The following ZNF135 variants were observed in gnomAD, a reference collection of about 807,000 sequenced individuals.
The protein encoded by ZNF135 is zinc finger protein 135 (clone pHZ-17).
In ZNF135, 11 loss-of-function variants were observed where a neutral mutation model predicts 12.3. That is an observed-to-expected ratio of 0.89 (90% CI 0.56 to 1.48). The LOEUF (loss-of-function observed/expected upper bound fraction) is 1.48. ZNF135 is among the 40% of genes most tolerant of loss of function. ZNF135 has a pLI of 0.00. For synonymous variants in ZNF135, 316 were observed against 312.0 expected (o/e 1.01, Z -0.14); for missense variants, 722 against 815.7 (o/e 0.89, Z 1.40).
rs1433470582 is a variant in ZNF135, at chr19:58,059,861, C to G, written c.-34-108C>G. 3 of 1,369,364 alleles carry G rather than the reference C, an allele frequency of 2.2e-6. No homozygotes were observed. The highest frequency in any genetic ancestry group is 2.0e-6 in the Non-Finnish European group (2 of 1,004,408). 84.8% of individuals were successfully genotyped at this position (1,369,364 alleles called of 1,614,324 possible). A position where few individuals can be genotyped will look rare whatever the true frequency, so the allele number is the denominator to read the frequency against. On this transcript the variant is annotated intron_variant, in intron 1 of 4. Transcript: ENST00000313434. This position sits in a 1 kb window ranked among gnomAD's most constrained non-coding sequence, Gnocchi z 6.5. ...AGGCGCTTAAACGGGTACGCGGGGC[C>G]CTGGACGGCTCTCCGCGGAGCTCCC...
At chr19:58,066,343 T>C (rs953810371) in intron 4 of ZNF135, among the ~76,000 whole-genome samples, 2 of 152,166 alleles carry the variant, frequency 1.3e-5, no homozygotes, top group Non-Finnish European at 2.9e-5. Context: ...GAGGCCACTG[T>C]AGCTGGAGCC....
Position 58,060,853 on chromosome 19 carries a change from G to A in ZNF135, c.34-727G>A, listed in dbSNP as rs1043273684. On this transcript the variant is annotated intron_variant, in intron 2 of 4. Coordinates refer to ENST00000313434, the MANE Select transcript of ZNF135 (RefSeq NM_001289401.2). The surrounding 1 kb of genome is among the most constrained non-coding windows in gnomAD (Gnocchi z 4.9). ...AAAACAAACCCAGATTTGGCCGGGC[G>A]CGGTGGCTCGCACCTGTAATCCCAG... Among the ~76,000 whole-genome samples the A allele has an allele frequency of 3.3e-5, 5 of 152,224 alleles. No individual in the cohort carries two copies. Among genetic ancestry groups the A allele is most frequent in the Middle Eastern group, 3.4e-3 (1 of 294 alleles).
chr19:58,060,162 C>T lies in ZNF135; in HGVS notation c.33+127C>T, dbSNP rs533397525. 12 of 1,552,414 alleles carry T rather than the reference C, an allele frequency of 7.7e-6. No individual in the cohort carries two copies. In the Admixed American group the frequency reaches 1.5e-4, roughly 19 times the overall value. On this transcript the variant is annotated intron_variant, in intron 2 of 4. Transcript: ENST00000313434. The surrounding 1 kb of genome is among the most constrained non-coding windows in gnomAD (Gnocchi z 4.9). ...TCGCGCTCAGCCTCCTCCTTGTGCC[C>T]GGCCCCTACTTGCGTGCCCGGCCCC... is the stretch of plus-strand genomic sequence containing the variant.
chr19:58,067,144 A>G lies in ZNF135; in HGVS notation c.660A>G (p.Gly220=), dbSNP rs377403678. 147 of 1,614,088 alleles carry G rather than the reference A, an allele frequency of 9.1e-5. No homozygotes were observed. The highest frequency in any genetic ancestry group is 1.2e-4 in the Non-Finnish European group (145 of 1,180,034). ...KEKPYKCQEC[G]KAFSHSSALI... ...AACCCTACAAATGTCAGGAATGCGG[A>G]AAGGCCTTTAGTCACAGCTCAGCAC... The change falls in exon 5 of 5, where the codon GGA becomes GGG. Residue 220 remains glycine, a synonymous_variant. Transcript: ENST00000313434.
In ZNF135 at chr19:58,059,970, G is replaced by C; in HGVS notation, c.-33G>C. ...CTGCTCACCTCCCCTTTCCCACAGA[G>C]CAGGGCCAGCCGTTCCTGCCAGAAG... On this transcript the variant is annotated splice_region_variant and 5_prime_UTR_variant, in exon 2 of 5. Transcript: ENST00000313434. The surrounding 1 kb of genome is among the most constrained non-coding windows in gnomAD (Gnocchi z 6.5). 6.2e-7 allele frequency: 1 copy of C among 1,612,884 alleles called. No homozygotes were observed. The highest frequency in any genetic ancestry group is 1.1e-5 in the South Asian group (1 of 91,074).
Position 58,068,758 on chromosome 19 carries a change from A to C in ZNF135, c.*297A>C. 1 of 287,248 alleles carries C rather than the reference A, an allele frequency of 3.5e-6. No homozygotes were observed. The highest frequency in any genetic ancestry group is 8.7e-5 in the South Asian group (1 of 11,482). The allele number at this position is 287,248 out of a possible 1,614,324, so 17.8% of individuals were successfully genotyped here. On this transcript the variant is annotated 3_prime_UTR_variant, in exon 5 of 5. Coordinates refer to ENST00000313434, the MANE Select transcript of ZNF135 (RefSeq NM_001289401.2). ...TATGTTATAGAACCTACAAAAAAGA[A>C]ATGGAACAAATGTAGTGGATCCAGG...
In ZNF135 at chr19:58,067,921, A is replaced by G. The variant is rs1386196797; in HGVS notation, c.1437A>G (p.Thr479=). 1.2e-6 allele frequency: 2 copies of G among 1,608,430 alleles called. No homozygotes were observed. Among genetic ancestry groups the G allele is most frequent in the African/African-American group, 1.4e-5 (1 of 72,932 alleles). ...SQCGKAFRQS[T]HLTQHQRIHT... ...GTGGGAAGGCCTTCCGGCAGAGCACACACCTCACCCAACACCAGCGAATCC... is the reference window on the plus strand; with the variant it reads ...GTGGGAAGGCCTTCCGGCAGAGCACGCACCTCACCCAACACCAGCGAATCC... Residue 479 remains threonine (T), a synonymous_variant, in exon 5 of 5, where the codon ACA becomes ACG. Coordinates refer to ENST00000313434, the MANE Select transcript of ZNF135 (RefSeq NM_001289401.2).
At position 58,067,264 on chromosome 19, in the gene ZNF135, C is replaced by A; in HGVS notation, c.780C>A (p.His260Gln). The A allele has an allele frequency of 6.2e-7, 1 of 1,614,178 alleles. No individual in the cohort carries two copies. ...GGAACAGCTCGGCACTTACCAAACACCAGAGAATCCATACTGGGGAGAAAC... is the reference window on the plus strand; with the variant it reads ...GGAACAGCTCGGCACTTACCAAACAACAGAGAATCCATACTGGGGAGAAAC... ...GFRNSSALTK[H>Q]QRIHTGEKPY... Residue 260 changes from histidine (H) to glutamine (Q), a missense_variant, in exon 5 of 5, where the codon CAC becomes CAA. Coordinates refer to ENST00000313434, the MANE Select transcript of ZNF135 (RefSeq NM_001289401.2).
In ZNF135 at chr19:58,068,700, T is replaced by G; in HGVS notation, c.*239T>G. On this transcript the variant is annotated 3_prime_UTR_variant, in exon 5 of 5. Coordinates refer to ENST00000313434, the MANE Select transcript of ZNF135 (RefSeq NM_001289401.2). ...AGGGAAACGTGGAGATAATCAACAC[T>G]CAGGACCTTCAGCCTTGAACGCCCA... 1 of 510,448 alleles carries G rather than the reference T, an allele frequency of 2.0e-6. No individual in the cohort carries two copies. Among genetic ancestry groups the G allele is most frequent in the Non-Finnish European group, 3.5e-6 (1 of 288,750 alleles). 31.6% of individuals were successfully genotyped at this position (510,448 alleles called of 1,614,324 possible).
rs1375598535 is a variant in ZNF135, at chr19:58,069,336, T to C, written c.*875T>C. ...AACTCGCGTTAGAAACACAGATATTTGTTTTACAAAAAGGGAGATTTTTCC... is the reference window on the plus strand; with the variant it reads ...AACTCGCGTTAGAAACACAGATATTCGTTTTACAAAAAGGGAGATTTTTCC... On this transcript the variant is annotated 3_prime_UTR_variant, in exon 5 of 5. Transcript: ENST00000313434. 1 of 152,210 alleles carries C rather than the reference T, an allele frequency of 6.6e-6. No homozygotes were observed. Among genetic ancestry groups the C allele is most frequent in the Non-Finnish European group, 1.5e-5 (1 of 68,040 alleles). The allele number at this position is 152,210 out of a possible 1,614,324, so 9.4% of individuals were successfully genotyped here. A position where few individuals can be genotyped will look rare whatever the true frequency, so the allele number is the denominator to read the frequency against.
chr19:58,068,714 C>T lies in ZNF135; in HGVS notation c.*253C>T. 1 of 479,446 alleles carries T rather than the reference C, an allele frequency of 2.1e-6. No homozygotes were observed. The highest frequency in any genetic ancestry group is 3.7e-6 in the Non-Finnish European group (1 of 269,268). 29.7% of individuals were successfully genotyped at this position (479,446 alleles called of 1,614,324 possible). A position where few individuals can be genotyped will look rare whatever the true frequency, so the allele number is the denominator to read the frequency against. ...ATAATCAACACTCAGGACCTTCAGC[C>T]TTGAACGCCCATTAGTGCTATGTTA... On this transcript the variant is annotated 3_prime_UTR_variant, in exon 5 of 5. Transcript: ENST00000313434.
In ZNF135 at chr19:58,068,204, A is replaced by G; in HGVS notation, c.1720A>G (p.Lys574Glu). 6.2e-7 allele frequency: 1 copy of G among 1,612,444 alleles called. No homozygotes were observed. Among genetic ancestry groups the G allele is most frequent in the Non-Finnish European group, 8.5e-7 (1 of 1,179,562 alleles). Residue 574 changes from lysine (K) to glutamate (E), a missense_variant, in exon 5 of 5, where the codon AAG becomes GAG. Lys to Glu is a moderately conservative substitution (Grantham distance 56). Coordinates refer to ENST00000313434, the MANE Select transcript of ZNF135 (RefSeq NM_001289401.2). ...CATCGAACACCAGAGGATTCACACC[A>G]AGGAAAAGCCGTATGGGTGCAATGA... The part of the protein sequence containing the change: ...LLIEHQRIHT[K>E]EKPYGCNECG...
chr19:58,061,477 A>G, intron 2 of ZNF135, 103 bp from the exon 3 acceptor site: 1 of 1,461,994 alleles, frequency 6.8e-7, no homozygotes, highest in Non-Finnish European at 9.1e-7. Context: ...CCCCAGACCA[A>G]AGGGAACTCC....
rs1357398175 is a variant in ZNF135 at position 58,060,148 on chromosome 19, C to A, written c.33+113C>A. The A allele has an allele frequency of 7.6e-6, 12 of 1,574,334 alleles. No homozygotes were observed. In the Admixed American group the frequency reaches 2.1e-4, roughly 28 times the overall value. On this transcript the variant is annotated intron_variant, in intron 2 of 4. Transcript: ENST00000313434. The surrounding 1 kb of genome is among the most constrained non-coding windows in gnomAD (Gnocchi z 4.9). ...CACCCCGTCCCTACTCGCGCTCAGC[C>A]TCCTCCTTGTGCCCGGCCCCTACTT...
chr19:58,068,119 A>G lies in ZNF135; in HGVS notation c.1635A>G (p.Thr545=). 6.2e-7 allele frequency: 1 copy of G among 1,614,134 alleles called. No individual in the cohort carries two copies. Among genetic ancestry groups the G allele is most frequent in the Non-Finnish European group, 8.5e-7 (1 of 1,180,022 alleles). ...TCATTCAGCATCAGAGGATCCACAC[A>G]GGAGAGAAACCCTATGAATGTAACC... ...APLIQHQRIH[T]GEKPYECNQC... The change falls in exon 5 of 5, where the codon ACA becomes ACG. Residue 545 remains threonine (T), a synonymous_variant. Transcript: ENST00000313434.
Position 58,063,340 on chromosome 19 carries a change from G to T in ZNF135, c.161-106G>T. 1 of 1,507,860 alleles carries T rather than the reference G, an allele frequency of 6.6e-7. No homozygotes were observed. Among genetic ancestry groups the T allele is most frequent in the Non-Finnish European group, 8.9e-7 (1 of 1,123,160 alleles). 93.4% of individuals were successfully genotyped at this position (1,507,860 alleles called of 1,614,324 possible). A position where few individuals can be genotyped will look rare whatever the true frequency, so the allele number is the denominator to read the frequency against. ...GGGTATGACAGCTGAAGTCACTCAG[G>T]GGTCCCCAGCCATCTGGGACCTGGA... On this transcript the variant is annotated intron_variant, in intron 3 of 4. Transcript: ENST00000313434. The surrounding 1 kb of genome is among the most constrained non-coding windows in gnomAD (Gnocchi z 4.4).
rs1366245015 is a variant in ZNF135 at position 58,066,840 on chromosome 19, A to G, written c.356A>G (p.Asp119Gly). Reference protein sequence around the residue: ...SVILVERFLWDGLWYCRGEDT... With the variant: ...SVILVERFLWGGLWYCRGEDT... The stretch of plus-strand genomic sequence containing the variant: ...ATCTTGGTAGAAAGATTCCTGTGGG[A>G]TGGTCTGTGGTACTGCAGGGGTGAG... The change falls in exon 5 of 5, where the codon GAT becomes GGT. Residue 119 changes from aspartate to glycine, a missense_variant. Physicochemically the swap from Asp to Gly is moderately conservative, Grantham distance 94 (BLOSUM62 -1). Coordinates refer to ENST00000313434, the MANE Select transcript of ZNF135 (RefSeq NM_001289401.2). 1 of 1,614,082 alleles carries G rather than the reference A, an allele frequency of 6.2e-7. No individual in the cohort carries two copies. The highest frequency in any genetic ancestry group is 1.3e-5 in the African/African-American group (1 of 74,928).
Position 58,060,386 on chromosome 19 carries a change from C to G in ZNF135, c.33+351C>G. ...AGCCTGCCTCTGAAAGGACCGCCCA[C>G]GCCGCGCTGGAGGTCAGCGGGCACG... On this transcript the variant is annotated intron_variant, in intron 2 of 4. Coordinates refer to ENST00000313434, the MANE Select transcript of ZNF135 (RefSeq NM_001289401.2). This position sits in a 1 kb window ranked among gnomAD's most constrained non-coding sequence, Gnocchi z 4.9. 1 of 1,237,872 alleles carries G rather than the reference C, an allele frequency of 8.1e-7. No individual in the cohort carries two copies. The highest frequency in any genetic ancestry group is 1.0e-6 in the Non-Finnish European group (1 of 980,352). The allele number at this position is 1,237,872 out of a possible 1,614,324, so 76.7% of individuals were successfully genotyped here. A position where few individuals can be genotyped will look rare whatever the true frequency, so the allele number is the denominator to read the frequency against.
chr19:58,063,514 T>C lies in ZNF135; in HGVS notation c.229T>C (p.Ser77Pro). 6.2e-7 allele frequency: 1 copy of C among 1,613,874 alleles called. No individual in the cohort carries two copies. The highest frequency in any genetic ancestry group is 8.5e-7 in the Non-Finnish European group (1 of 1,179,948). The part of the protein sequence containing the change: ...EQEAELWAVE[S>P]RLPQGVYPDL... ...AGAGGCAGAGCTGTGGGCGGTGGAG[T>C]CTAGACTTCCCCAAGGCGTGTACCC... is the stretch of plus-strand genomic sequence containing the variant. Residue 77 changes from serine to proline, a missense_variant, in exon 4 of 5, where the codon TCT (serine) becomes CCT (proline). Physicochemically the swap from Ser to Pro is moderately conservative, Grantham distance 74. Coordinates refer to ENST00000313434, the MANE Select transcript of ZNF135 (RefSeq NM_001289401.2). This position sits in a 1 kb window ranked among gnomAD's most constrained non-coding sequence, Gnocchi z 4.4.
Sources: allele counts gnomAD v4.1 joint callset (sites outside exome capture counted in the v4.1 genomes callset), GRCh38; gene constraint gnomAD v4.1.1; non-coding constraint Gnocchi (gnomAD v3.1); transcripts MANE v1.5; gene names NCBI Gene and HGNC (gene_info 2026-07-23, HGNC 2026-07-21).